The following GALNTL6 variants were observed in gnomAD, a reference collection of about 807,000 sequenced individuals.
GALNTL6 encodes the protein polypeptide N-acetylgalactosaminyltransferase like 6, also known as polypeptide N-acetylgalactosaminyltransferase-like 6.
In GALNTL6, 46 loss-of-function variants were observed where a neutral mutation model predicts 73.7. The observed-to-expected ratio is 0.62, with a 90% CI of 0.49 to 0.80. GALNTL6 has a LOEUF of 0.80. Among genes scored for constraint, GALNTL6 ranks in the 30% least tolerant of loss-of-function variants. The probability of loss-of-function intolerance (pLI) is 0.00; values close to 1 mark genes in which losing one functional copy is unlikely to be tolerated. For synonymous variants in GALNTL6, 259 were observed against 263.7 expected, an observed-to-expected ratio of 0.98 and a Z score of 0.17; for missense variants, 604 against 755.0, an observed-to-expected ratio of 0.80 and a Z score of 2.34.
chr4:172,162,238 C>G (rs1227555889), intron 2 of GALNTL6, among the ~76,000 whole-genome samples: 1 of 151,434 alleles, frequency 6.6e-6, no homozygotes, highest in African/African-American at 2.4e-5. Flanking sequence ...GGAAGGGACA[C>G]AGTGGGAGAG....
At chr4:171,948,972 C>G (rs533756251) in intron 2 of GALNTL6, among the ~76,000 whole-genome samples, 4 of 152,038 alleles carry the variant, frequency 2.6e-5, no homozygotes, top group African/African-American at 9.6e-5. Flanking sequence ...TACACACACA[C>G]ACACACACAC....
intron 3 of GALNTL6, among the ~76,000 whole-genome samples, chr4:172,293,283 G>C (rs906705326): frequency 6.6e-6 from 1 of 151,824 alleles, no homozygotes; most frequent in African/African-American, 2.4e-5. Flanking sequence ...GTGGTACTTA[G>C]TGAATAAGAA....
At chr4:172,627,620 G>T (rs907615691) in intron 5 of GALNTL6, among the ~76,000 whole-genome samples, 13 of 151,426 alleles carry the variant, frequency 8.6e-5, no homozygotes, top group Non-Finnish European at 1.5e-4. Flanking sequence ...GAATCCATCT[G>T]GTCAGGAGCT....
intron 7 of GALNTL6, among the ~76,000 whole-genome samples, chr4:172,830,296 G>A (rs1006528323): frequency 4.6e-5 from 7 of 152,160 alleles, no homozygotes; most frequent in African/African-American, 1.7e-4. Context: ...GACCAATAGA[G>A]CAAATCTTTA....
intron 8 of GALNTL6, among the ~76,000 whole-genome samples, chr4:172,911,317 G>A (rs2610201): frequency 0.27 from 40,427 of 152,030 alleles, 7,524 homozygotes; most frequent in African/African-American, 0.53. Flanking sequence ...TGTGCTCATT[G>A]GAAATCCTTT....
At chr4:172,023,527 G>A (rs1051518532) in intron 2 of GALNTL6, among the ~76,000 whole-genome samples, 1 of 151,752 alleles carries the variant, frequency 6.6e-6, no homozygotes, top group Non-Finnish European at 1.5e-5. Flanking sequence ...TAAAATGATT[G>A]ATTAATTACT....
chr4:172,821,553 T>C (rs558927262), intron 7 of GALNTL6, among the ~76,000 whole-genome samples: 3 of 152,298 alleles, frequency 2.0e-5, no homozygotes, highest in African/African-American at 7.2e-5. Flanking sequence ...CTAGAGCTGA[T>C]AGGTTGAAAA....
At chr4:172,433,452 C>T (rs1438435161) in intron 5 of GALNTL6, among the ~76,000 whole-genome samples, 1 of 152,092 alleles carries the variant, frequency 6.6e-6, no homozygotes, top group Non-Finnish European at 1.5e-5. Flanking sequence ...GCAGGATTCC[C>T]TGCCTGATGG....
chr4:172,454,565 C>T (rs1732323587), intron 5 of GALNTL6, among the ~76,000 whole-genome samples: 1 of 152,200 alleles, frequency 6.6e-6, no homozygotes, highest in Non-Finnish European at 1.5e-5. Flanking sequence ...ACTTGCAGCC[C>T]ACTGGGCAGA....
At chr4:172,413,655 GTTTT>G (rs70944408) in intron 5 of GALNTL6, among the ~76,000 whole-genome samples, 8 of 126,208 alleles carry the variant, frequency 6.3e-5, no homozygotes, top group Non-Finnish European at 8.7e-5. Flanking sequence ...CTTTGTATTA[GTTTT>G]TTTTTTTTTT....
At chr4:172,223,316 A>G (rs1579273152) in intron 2 of GALNTL6, among the ~76,000 whole-genome samples, 1 of 152,126 alleles carries the variant, frequency 6.6e-6, no homozygotes, top group Non-Finnish European at 1.5e-5. Context: ...ATACTAATTT[A>G]TCTGTGTTTG....
intron 2 of GALNTL6, among the ~76,000 whole-genome samples, chr4:172,112,825 C>T (rs1491617): frequency 0.39 from 58,342 of 151,444 alleles, 11,461 homozygotes; most frequent in Non-Finnish European, 0.42. Context: ...CAAAGAGATT[C>T]CTTACCCTTT....
chr4:172,412,954 C>G (rs1561071637), intron 5 of GALNTL6, among the ~76,000 whole-genome samples: 1 of 152,116 alleles, frequency 6.6e-6, no homozygotes. Flanking sequence ...GAAATAGAGC[C>G]ACATTCTCAG....
At chr4:172,754,629 T>C (rs1227280486) in intron 5 of GALNTL6, among the ~76,000 whole-genome samples, 1 of 152,154 alleles carries the variant, frequency 6.6e-6, no homozygotes, top group Non-Finnish European at 1.5e-5. Flanking sequence ...ATATGCATTA[T>C]AGGTTATCAA....
chr4:172,488,846 G>T (rs145041671), intron 5 of GALNTL6, among the ~76,000 whole-genome samples: 11 of 132,910 alleles, frequency 8.3e-5, no homozygotes, highest in African/African-American at 1.4e-4. Context: ...GGGTGGGGGT[G>T]GGGGGTGGGT....
Position 172,759,799 on chromosome 4 carries a change from CTTTTTTTTTTTTTTTTTTTTTTTTTTTTT to C in GALNTL6, c.554-49542_554-49514del, listed in dbSNP as rs764391767. Among the ~76,000 whole-genome samples the C allele has an allele frequency of 1.7e-3, 153 of 87,700 alleles. 5 individuals are homozygous for C. Among genetic ancestry groups the C allele is most frequent in the African/African-American group, 8.0e-3 (141 of 17,656 alleles). The allele number at this position is 87,700 out of a possible 152,430, so 57.5% of individuals were successfully genotyped here. A position where few individuals can be genotyped will look rare whatever the true frequency, so the allele number is the denominator to read the frequency against. ...CTGCACTCTTTGAAATATTTATAGT[CTTTTTTTTTTTTTTTTTTTTTTTTTTTTT>C]TTTTTTTTTTTTTTTTTTTGAGACG... On this transcript the variant is annotated intron_variant, in intron 5 of 12. Transcript: ENST00000506823.
intron 4 of GALNTL6, among the ~76,000 whole-genome samples, chr4:172,328,687 A>T (rs1234064982): frequency 2.0e-5 from 3 of 152,122 alleles, no homozygotes; most frequent in Non-Finnish European, 4.4e-5. Context: ...TTCTGCTGTT[A>T]ATACTGGCTA....
At chr4:172,896,246 TG>T (rs1281135521) in intron 8 of GALNTL6, among the ~76,000 whole-genome samples, 1 of 152,216 alleles carries the variant, frequency 6.6e-6, no homozygotes, top group Non-Finnish European at 1.5e-5. Flanking sequence ...TGCCCAGTTT[TG>T]TTTGTGCCTG....
intron 8 of GALNTL6, among the ~76,000 whole-genome samples, chr4:172,899,488 GTTA>G (rs749422649): frequency 6.8e-6 from 1 of 147,384 alleles, no homozygotes; most frequent in Non-Finnish European, 1.5e-5. Context: ...TTCTTCTGTT[GTTA>G]TATCAATAGT....
Sources: allele counts gnomAD v4.1 joint callset (sites outside exome capture counted in the v4.1 genomes callset), GRCh38; gene constraint gnomAD v4.1.1; transcripts MANE v1.5; gene names NCBI Gene and HGNC (gene_info 2026-07-23, HGNC 2026-07-21).